The following ANKRD30BL variants were observed in gnomAD, a reference collection of about 807,000 sequenced individuals.
ANKRD30BL encodes ankyrin repeat domain 30B like.
Under a neutral mutation model 18.4 loss-of-function variants are expected in ANKRD30BL, and 20 were observed. That is an observed-to-expected ratio of 1.09 (90% CI 0.77 to 1.58). ANKRD30BL has a LOEUF of 1.58. Ranked by LOEUF, ANKRD30BL falls within the 40% of genes most tolerant of loss-of-function variation. The pLI is 0.00. For synonymous variants in ANKRD30BL, 72 were observed against 100.9 expected, an observed-to-expected ratio of 0.71 and a Z score of 1.72; for missense variants, 224 against 268.6, an observed-to-expected ratio of 0.83 and a Z score of 1.16.
intron 1 of ANKRD30BL, among the ~76,000 whole-genome samples, chr2:132,196,822 A>C (rs1573831877): frequency 1.3e-5 from 2 of 152,190 alleles, no homozygotes; most frequent in African/African-American, 2.4e-5. Context: ...AGGAAAAAAA[A>C]AAATAAAAGC....
intron 1 of ANKRD30BL, among the ~76,000 whole-genome samples, chr2:132,175,206 A>G (rs1688341623): frequency 6.7e-6 from 1 of 149,190 alleles, no homozygotes; most frequent in Non-Finnish European, 1.5e-5. Flanking sequence ...TTTTATTATT[A>G]TTTTCATTAT....
At chr2:132,173,656 G>T (rs1688319015) in intron 1 of ANKRD30BL, among the ~76,000 whole-genome samples, 1 of 151,866 alleles carries the variant, frequency 6.6e-6, no homozygotes, top group South Asian at 2.1e-4. Context: ...AAAAAAATCT[G>T]TAATTATTTT....
At chr2:132,235,134 A>C (rs1329404723) in intron 1 of ANKRD30BL, among the ~76,000 whole-genome samples, 1 of 152,208 alleles carries the variant, frequency 6.6e-6, no homozygotes, top group Non-Finnish European at 1.5e-5. Flanking sequence ...ACAAAATTCA[A>C]CAACACTTCA....
intron 1 of ANKRD30BL, among the ~76,000 whole-genome samples, chr2:132,176,639 A>C (rs545483357): frequency 1.3e-5 from 2 of 152,008 alleles, no homozygotes; most frequent in South Asian, 4.2e-4. Context: ...AAAAACAAAA[A>C]AAAAGCCGTG....
rs755456546 is a variant in ANKRD30BL, at chr2:132,148,116, G to A, written c.*15C>T. On this transcript the variant is annotated 3_prime_UTR_variant, in exon 6 of 6. Coordinates refer to ENST00000409867, the MANE Select transcript of ANKRD30BL (RefSeq NM_001358416.1). ...GTTTACAGGCTAAAATCTTTGAAGA[G>A]GAATTCACTGTATCCTATTCATCAG... The A allele has an allele frequency of 5.8e-6, 9 of 1,555,486 alleles. No homozygotes were observed. The Admixed American group carries it at 1.3e-4, about 22-fold the overall frequency.
intron 1 of ANKRD30BL, among the ~76,000 whole-genome samples, chr2:132,191,443 A>C (rs1330068002): frequency 6.6e-6 from 1 of 152,094 alleles, no homozygotes; most frequent in Admixed American, 6.5e-5. Flanking sequence ...TTGTAAGTGT[A>C]TGTTTAACTG....
intron 1 of ANKRD30BL, among the ~76,000 whole-genome samples, chr2:132,177,035 T>A (rs1456886261): frequency 6.6e-6 from 1 of 152,190 alleles, no homozygotes; most frequent in Non-Finnish European, 1.5e-5. Flanking sequence ...TTAATTCATA[T>A]TTTTCTCAAA....
At chr2:132,148,980 A>G (rs897872046) in intron 5 of ANKRD30BL, among the ~76,000 whole-genome samples, 6 of 152,204 alleles carry the variant, frequency 3.9e-5, no homozygotes, top group Non-Finnish European at 7.3e-5. Flanking sequence ...AAACATAGTT[A>G]GGAAATTCTG....
chr2:132,227,479 A>T (rs1679878069), intron 1 of ANKRD30BL, among the ~76,000 whole-genome samples: 1 of 151,616 alleles, frequency 6.6e-6, no homozygotes, highest in South Asian at 2.1e-4. Flanking sequence ...GTTTTGAAAC[A>T]CTCCTTTAGT....
At chr2:132,221,118 C>A (rs578059654) in intron 1 of ANKRD30BL, among the ~76,000 whole-genome samples, 140 of 148,322 alleles carry the variant, frequency 9.4e-4, no homozygotes, top group African/African-American at 3.6e-3. Context: ...AGGAGCCCCT[C>A]CGTCCAGCAG....
chr2:132,250,207 C>A (rs1680614820), intron 1 of ANKRD30BL, among the ~76,000 whole-genome samples: 1 of 152,116 alleles, frequency 6.6e-6, no homozygotes, highest in South Asian at 2.1e-4. Context: ...TATCACTTTG[C>A]AGATTGTACA....
intron 1 of ANKRD30BL, among the ~76,000 whole-genome samples, chr2:132,210,167 C>T (rs945254162): frequency 4.0e-5 from 6 of 151,330 alleles, no homozygotes; most frequent in Non-Finnish European, 7.4e-5. Flanking sequence ...ATTTGGAGCG[C>T]TTTGCGGCCT....
At chr2:132,221,095 C>T (rs1366212206) in intron 1 of ANKRD30BL, among the ~76,000 whole-genome samples, 5 of 147,120 alleles carry the variant, frequency 3.4e-5, no homozygotes, top group Admixed American at 1.3e-4. Context: ...GCAACCGCCC[C>T]GTCTGAGAAG....
chr2:132,180,554 T>C (rs1384888548), intron 1 of ANKRD30BL, among the ~76,000 whole-genome samples: 2 of 152,170 alleles, frequency 1.3e-5, no homozygotes, highest in African/African-American at 4.8e-5. Flanking sequence ...TGCTTTATGC[T>C]TGATAAATCT....
rs375698207 is a variant in ANKRD30BL, at chr2:132,218,833, A to G, written n.441+38696T>C. On this transcript the variant is annotated intron_variant and non_coding_transcript_variant, in intron 1 of 4. Transcript: ENST00000470729. The stretch of plus-strand genomic sequence containing the variant: ...TAAAAATTAGACAGCAGCATTCTCA[A>G]AAACTTCTTTGTGATGCGTACATTC... Among the ~76,000 whole-genome samples, 5 of 152,136 alleles carry G rather than the reference A, an allele frequency of 3.3e-5. No individual in the cohort carries two copies. In the South Asian group the frequency reaches 6.2e-4, roughly 19 times the overall value.
chr2:132,254,070 C>T lies in ANKRD30BL; in HGVS notation n.441+3459G>A, dbSNP rs1371209028. ...CGCCGAGAACCACCCCCGCGCCCACCGACACACACATGGGGGCCACAGCAG... is the reference window on the plus strand; with the variant it reads ...CGCCGAGAACCACCCCCGCGCCCACTGACACACACATGGGGGCCACAGCAG... On this transcript the variant is annotated intron_variant and non_coding_transcript_variant, in intron 1 of 4. Transcript: ENST00000470729. 5.3e-5 allele frequency among the ~76,000 whole-genome samples: 8 copies of T among 149,766 alleles called. No homozygotes were observed. In the South Asian group the frequency reaches 8.3e-4, roughly 16 times the overall value.
intron 1 of ANKRD30BL, among the ~76,000 whole-genome samples, chr2:132,226,186 A>T (rs1195270354): frequency 1.3e-5 from 2 of 151,934 alleles, no homozygotes; most frequent in South Asian, 4.1e-4. Flanking sequence ...ATATCTTCTC[A>T]TAAAAACTAG....
At chr2:132,242,086 T>G (rs1267116242) in intron 1 of ANKRD30BL, among the ~76,000 whole-genome samples, 3 of 151,788 alleles carry the variant, frequency 2.0e-5, no homozygotes, top group Non-Finnish European at 4.4e-5. Flanking sequence ...TGTACTCAAT[T>G]CACAGAGTTA....
chr2:132,198,814 C>T (rs1251020750), intron 1 of ANKRD30BL, among the ~76,000 whole-genome samples: 5 of 151,948 alleles, frequency 3.3e-5, no homozygotes, highest in Non-Finnish European at 5.9e-5. Context: ...GACGACGTTT[C>T]GCCATGTTGG....
Sources: gnomAD v4.1 joint callset for allele counts (sites outside exome capture counted in the v4.1 genomes callset) on GRCh38, gnomAD v4.1.1 for gene constraint, MANE v1.5 for transcripts, NCBI Gene and HGNC (gene_info 2026-07-23, HGNC 2026-07-21) for gene names.